FRMD6: variants seen among roughly 807,000 people sequenced by gnomAD.
The protein encoded by FRMD6 is FERM domain-containing protein 6.
A neutral mutation model predicts 73.2 loss-of-function variants in FRMD6; 37 were observed. The ratio of observed to expected loss-of-function variants is 0.51; its 90% CI spans 0.39 to 0.66. The LOEUF (loss-of-function observed/expected upper bound fraction) is 0.66. FRMD6 is among the 30% of genes least tolerant of loss of function. FRMD6 has a pLI of 0.00. For synonymous variants in FRMD6, 273 were observed against 282.2 expected (o/e 0.97, Z 0.33); for missense variants, 714 against 780.5 (o/e 0.91, Z 1.02).
rs1566596506 is a variant in FRMD6, at chr14:51,720,343, T to C, written c.1313T>C (p.Val438Ala). 1 of 1,613,444 alleles carries C rather than the reference T, an allele frequency of 6.2e-7. No individual in the cohort carries two copies. The highest frequency in any genetic ancestry group is 1.1e-5 in the South Asian group (1 of 91,046). ...CATGGCAGCTCCCACACCTCAGGGG[T>C]GGAGAGTGGCGGCAAAGACCGGCTG... is the stretch of plus-strand genomic sequence containing the variant. ...TSHGSSHTSG[V>A]ESGGKDRLEE... Residue 438 changes from valine (V) to alanine (A), a missense_variant, in exon 11 of 14, where the codon GTG becomes GCG. Coordinates refer to ENST00000344768, the MANE Select transcript of FRMD6 (RefSeq NM_001267046.2).
At chr14:51,521,433 T>C (rs532913108) in intron 1 of FRMD6, among the ~76,000 whole-genome samples, 1 of 152,332 alleles carries the variant, frequency 6.6e-6, no homozygotes, top group South Asian at 2.1e-4. Context: ...TTTATCCATA[T>C]ATTCTTTTAA....
chr14:51,410,296 CTCAAAGCCAGGAG>C, the FRMD6 span, among the ~76,000 whole-genome samples: 3 of 152,120 alleles, frequency 2.0e-5, no homozygotes, highest in African/African-American at 7.2e-5. Context: ...GTTATTTAGT[CTCAAAGCCAGGAG>C]TCAACTTGTT....
intron 2 of FRMD6, among the ~76,000 whole-genome samples, chr14:51,646,556 C>CT (rs900672718): frequency 6.6e-6 from 1 of 151,232 alleles, no homozygotes; most frequent in Admixed American, 6.6e-5. Flanking sequence ...CTGGGGTAAG[C>CT]TTTTTTTTCC....
intron 1 of FRMD6, among the ~76,000 whole-genome samples, chr14:51,503,533 C>T (rs1883743439): frequency 6.6e-6 from 1 of 152,114 alleles, no homozygotes; most frequent in African/African-American, 2.4e-5. Flanking sequence ...TTGATTTGCA[C>T]ATGTTGAACC....
chr14:51,691,024 C>T (rs1414611922), intron 2 of FRMD6, among the ~76,000 whole-genome samples: 2 of 152,158 alleles, frequency 1.3e-5, no homozygotes, highest in Admixed American at 6.5e-5. Context: ...CCCTCCTAGT[C>T]AATATCCTTC....
At chr14:51,624,086 G>T (rs192550351) in intron 2 of FRMD6, among the ~76,000 whole-genome samples, 1 of 150,112 alleles carries the variant, frequency 6.7e-6, no homozygotes, top group African/African-American at 2.5e-5. Flanking sequence ...ACTTACAATT[G>T]GGAGATAAAT....
At chr14:51,653,546 A>G (rs735265) in intron 1 of FRMD6, among the ~76,000 whole-genome samples, 115,344 of 151,962 alleles carry the variant, frequency 0.76, 44,121 homozygotes, top group Non-Finnish European at 0.8. Context: ...AGGATGAGAA[A>G]TTTTTTTTTA....
At chr14:51,588,685 C>T (rs78446950) in intron 2 of FRMD6, among the ~76,000 whole-genome samples, 1,892 of 152,316 alleles carry the variant, frequency 0.012, 15 homozygotes, top group South Asian at 0.036. Context: ...CAACCTCACA[C>T]TCTGATATGC....
At chr14:51,419,993 C>T in the FRMD6 span, among the ~76,000 whole-genome samples, 1 of 132,336 alleles carries the variant, frequency 7.6e-6, no homozygotes, top group African/African-American at 2.6e-5. Flanking sequence ...ATGTGACTTC[C>T]TGCCCTCGTT....
chr14:51,472,193 G>T, the FRMD6 span, among the ~76,000 whole-genome samples: 1 of 152,120 alleles, frequency 6.6e-6, no homozygotes, highest in Admixed American at 6.5e-5. Context: ...CACAATGAAG[G>T]TTAAAGAGCT....
rs961233570 is a variant in FRMD6 at position 51,729,909 on chromosome 14, G to A, written c.*1880G>A. The A allele has an allele frequency of 6.6e-6, 1 of 152,652 alleles. No homozygotes were observed. The highest frequency in any genetic ancestry group is 2.4e-5 in the African/African-American group (1 of 41,462). The allele number at this position is 152,652 out of a possible 1,614,324, so 9.5% of individuals were successfully genotyped here. A position where few individuals can be genotyped will look rare whatever the true frequency, so the allele number is the denominator to read the frequency against. On this transcript the variant is annotated 3_prime_UTR_variant, in exon 14 of 14. Transcript: ENST00000344768. ...TATCAAATACTTTAATAGAACCAAAGTTGCAGATATTGGAATGTATGGAAG... is the reference window on the plus strand; with the variant it reads ...TATCAAATACTTTAATAGAACCAAAATTGCAGATATTGGAATGTATGGAAG...
rs1011772670 is a variant in FRMD6 at position 51,638,489 on chromosome 14, C to G, written c.-146-51202C>G. On this transcript the variant is annotated intron_variant, in intron 2 of 14. Coordinates refer to the FRMD6 transcript ENST00000356218. ...CGGGCTACTGCTCCGGGAGCCACAG[C>G]TGACAGATGAGCCTCTTGTTCCATG... Among the ~76,000 whole-genome samples, 32 of 152,262 alleles carry G rather than the reference C, an allele frequency of 2.1e-4. 1 individual carries two copies. The highest frequency in any genetic ancestry group is 1.9e-3 in the Admixed American group (29 of 15,294).
the FRMD6 span, among the ~76,000 whole-genome samples, chr14:51,410,302 G>A: frequency 0.28 from 42,055 of 152,018 alleles, 6,377 homozygotes; most frequent in East Asian, 0.58. Flanking sequence ...TAGTCTCAAA[G>A]CCAGGAGTCA....
chr14:51,548,068 A>T (rs577275796), intron 1 of FRMD6, among the ~76,000 whole-genome samples: 1 of 152,302 alleles, frequency 6.6e-6, no homozygotes, highest in Non-Finnish European at 1.5e-5. Flanking sequence ...AAGCAGTGGG[A>T]ATAATTACCA....
chr14:51,574,147 C>T (rs1386056924), intron 2 of FRMD6, among the ~76,000 whole-genome samples: 1 of 152,132 alleles, frequency 6.6e-6, no homozygotes, highest in Non-Finnish European at 1.5e-5. Flanking sequence ...CCCTGCCAGC[C>T]CTGCCCAGCC....
Position 51,709,860 on chromosome 14 carries a change from G to A in FRMD6, c.714+1627G>A, listed in dbSNP as rs1157594938. ...AATTAGAAACCCTATGTCACTACTCGCTATAGCTGGGATCCTAGGCAACTA... is the reference window on the plus strand; with the variant it reads ...AATTAGAAACCCTATGTCACTACTCACTATAGCTGGGATCCTAGGCAACTA... On this transcript the variant is annotated intron_variant, in intron 7 of 13. Coordinates refer to ENST00000344768, the MANE Select transcript of FRMD6 (RefSeq NM_001267046.2). Among the ~76,000 whole-genome samples the A allele has an allele frequency of 2.0e-5, 3 of 152,068 alleles. No individual in the cohort carries two copies. The East Asian group carries it at 5.8e-4, about 29-fold the overall frequency.
chr14:51,633,598 CAAAAA>C (rs375453243), intron 2 of FRMD6, among the ~76,000 whole-genome samples: 5 of 45,866 alleles, frequency 1.1e-4, no homozygotes, highest in Admixed American at 3.1e-4. Flanking sequence ...AAGACCCTGT[CAAAAA>C]AAAAAAAAAA....
intron 1 of FRMD6, among the ~76,000 whole-genome samples, chr14:51,499,300 C>A (rs749079655): frequency 6.6e-6 from 1 of 152,172 alleles, no homozygotes; most frequent in Non-Finnish European, 1.5e-5. Context: ...CATTAATATA[C>A]AAGAGAAAGC....
At chr14:51,557,642 T>C (rs938334280) in intron 1 of FRMD6, among the ~76,000 whole-genome samples, 2 of 152,090 alleles carry the variant, frequency 1.3e-5, no homozygotes, top group Admixed American at 1.3e-4. Flanking sequence ...TACTTGAAAA[T>C]TGCTAAGAGA....
Sources: gnomAD v4.1 joint callset for allele counts (sites outside exome capture counted in the v4.1 genomes callset) on GRCh38, gnomAD v4.1.1 for gene constraint, MANE v1.5 for transcripts, NCBI Gene and HGNC (gene_info 2026-07-23, HGNC 2026-07-21) for gene names.